RGSL1: variants seen among roughly 807,000 people sequenced by gnomAD.
The protein encoded by RGSL1 is regulator of G protein signaling like 1.
A neutral mutation model predicts 124.7 loss-of-function variants in RGSL1; 97 were observed. That is an observed-to-expected ratio of 0.78 (90% CI 0.66 to 0.92). The LOEUF (loss-of-function observed/expected upper bound fraction) is 0.92, where lower values mean the gene tolerates loss of function less well. Ranked by LOEUF, RGSL1 falls within the 40% of genes least tolerant of loss-of-function variation. RGSL1 has a pLI of 0.00. For synonymous variants in RGSL1, 424 were observed against 438.1 expected (o/e 0.97, Z 0.40); for missense variants, 1,233 against 1,288.4 (o/e 0.96, Z 0.66).
chr1:182,475,002 A>G (rs1654176296), intron 6 of RGSL1, among the ~76,000 whole-genome samples: 3 of 152,156 alleles, frequency 2.0e-5, no homozygotes, highest in Non-Finnish European at 4.4e-5. Flanking sequence ...CCTGTGCCAA[A>G]AAGGTTGGGG....
intron 4 of RGSL1, chr1:182,460,839 A>C (rs1652769465): frequency 2.4e-6 from 1 of 413,262 alleles, no homozygotes; most frequent in Admixed American, 2.7e-5. Flanking sequence ...AGTTGATCTC[A>C]TTCAATTTCA....
intron 14 of RGSL1, among the ~76,000 whole-genome samples, chr1:182,539,580 A>AC (rs34092396): frequency 0.52 from 78,666 of 151,938 alleles, 20,629 homozygotes; most frequent in Non-Finnish European, 0.55. Context: ...TTTTTCTGAA[A>AC]CCAGCCAGAT....
At chr1:182,553,135 C>A (rs530562464) in intron 18 of RGSL1, among the ~76,000 whole-genome samples, 2 of 152,126 alleles carry the variant, frequency 1.3e-5, no homozygotes. Flanking sequence ...AACTCCTGAC[C>A]TCAGGTGATC....
intron 6 of RGSL1, among the ~76,000 whole-genome samples, chr1:182,486,624 A>C (rs1431080777): frequency 6.6e-6 from 1 of 152,124 alleles, no homozygotes; most frequent in Non-Finnish European, 1.5e-5. Flanking sequence ...CTAGGATTAC[A>C]GGTGTGAGGC....
intron 16 of RGSL1, 29 bp from the exon 17 acceptor site, chr1:182,548,671 C>T (rs890551712): frequency 2.6e-6 from 4 of 1,549,980 alleles, no homozygotes; most frequent in African/African-American, 2.7e-5. Context: ...GGAGCCTCTG[C>T]CAGTGACAGG....
rs200084077 is a variant in RGSL1 at position 182,534,919 on chromosome 1, CA to C, written c.2494+2129del. ...CCCAGAATGGTAGGAAGTCCTGTTT[CA>C]TCATTCTTTGACTTTCCACTTCCCC... On this transcript the variant is annotated intron_variant, in intron 14 of 21. Coordinates refer to ENST00000294854, the MANE Select transcript of RGSL1 (RefSeq NM_001137669.2). 7.2e-3 allele frequency among the ~76,000 whole-genome samples: 1,101 copies of C among 152,220 alleles called. 14 individuals are homozygous for C. The highest frequency in any genetic ancestry group is 0.027 in the Middle Eastern group (8 of 294).
Position 182,489,016 on chromosome 1 carries a change from A to G in RGSL1, c.1531A>G (p.Arg511Gly). The change falls in exon 8 of 22, where the codon AGA becomes GGA. Residue 511 changes from arginine (R) to glycine (G), a missense_variant. Arg to Gly is a moderately radical substitution (Grantham distance 125). Coordinates refer to ENST00000294854, the MANE Select transcript of RGSL1 (RefSeq NM_001137669.2). The stretch of plus-strand genomic sequence containing the variant: ...GTTCATCAGCTCCAGACAGCATAAA[A>G]GAGAATTTATAGGCAAAGAAGAGAA... ...NRFISSRQHK[R>G]EFIGKEENIL... 1 of 1,551,468 alleles carries G rather than the reference A, an allele frequency of 6.4e-7. No homozygotes were observed. Among genetic ancestry groups the G allele is most frequent in the Non-Finnish European group, 8.7e-7 (1 of 1,147,000 alleles).
intron 8 of RGSL1, among the ~76,000 whole-genome samples, chr1:182,492,215 T>C (rs569843773): frequency 2.6e-5 from 4 of 152,338 alleles, no homozygotes; most frequent in Admixed American, 6.5e-5. Context: ...GAAATGCATT[T>C]GTAGTTGTGG....
chr1:182,553,363 G>A (rs1660679665), intron 18 of RGSL1, 92 bp from the exon 19 acceptor site: 5 of 915,190 alleles, frequency 5.5e-6, no homozygotes, highest in Middle Eastern at 2.2e-4. Context: ...ATCTAAGTGT[G>A]TTAAACAAGA....
Position 182,457,811 on chromosome 1 carries a change from C to G in RGSL1, c.97-508C>G, listed in dbSNP as rs1419822980. ...TTCCATGACAAAAGGGGATGGTATC[C>G]TAGAATTACATTATCAATTTTGGAC... On this transcript the variant is annotated intron_variant, in intron 2 of 21. Coordinates refer to ENST00000294854, the MANE Select transcript of RGSL1 (RefSeq NM_001137669.2). Among the ~76,000 whole-genome samples the G allele has an allele frequency of 2.0e-5, 3 of 152,250 alleles. No individual in the cohort carries two copies. In the East Asian group the frequency reaches 5.8e-4, roughly 29 times the overall value.
intron 15 of RGSL1, among the ~76,000 whole-genome samples, chr1:182,543,978 AT>A (rs1228393177): frequency 6.6e-6 from 1 of 151,804 alleles, no homozygotes; most frequent in Admixed American, 6.6e-5. Context: ...AATCTTCTGT[AT>A]TTTTAGTCTT....
At chr1:182,555,357 A>G (rs1176928871) in intron 20 of RGSL1, 1 of 154,944 alleles carries the variant, frequency 6.5e-6, no homozygotes, top group East Asian at 1.9e-4. Flanking sequence ...GTGTATATGT[A>G]TCCTACATTC....
chr1:182,504,772 G>A (rs1311866365), intron 9 of RGSL1, among the ~76,000 whole-genome samples: 1 of 152,066 alleles, frequency 6.6e-6, no homozygotes, highest in Admixed American at 6.6e-5. Context: ...AGCCAAAAAA[G>A]AAAACAAAAG....
chr1:182,483,552 A>G (rs1260051370), intron 6 of RGSL1, among the ~76,000 whole-genome samples: 1 of 152,232 alleles, frequency 6.6e-6, no homozygotes, highest in Non-Finnish European at 1.5e-5. Context: ...TGACATACAC[A>G]TAAAATATAC....
At chr1:182,472,727 C>G (rs1195616236) in intron 5 of RGSL1, 170 bp downstream of exon 5, 1 of 619,558 alleles carries the variant, frequency 1.6e-6, no homozygotes, top group Non-Finnish European at 2.6e-6. Context: ...TTGAAAGACA[C>G]AGTTGTCCTT....
chr1:182,535,295 C>A (rs895936311), intron 14 of RGSL1, among the ~76,000 whole-genome samples: 2 of 152,192 alleles, frequency 1.3e-5, no homozygotes, highest in African/African-American at 4.8e-5. Context: ...TCTATAGTTT[C>A]CTGCCTCAAA....
At chr1:182,484,254 A>G (rs575451318) in intron 6 of RGSL1, among the ~76,000 whole-genome samples, 4 of 152,150 alleles carry the variant, frequency 2.6e-5, no homozygotes, top group East Asian at 1.9e-4. Flanking sequence ...GTACTATGTC[A>G]TCTTAGTCCT....
At chr1:182,545,211 A>G (rs1355120120) in intron 15 of RGSL1, among the ~76,000 whole-genome samples, 1 of 152,172 alleles carries the variant, frequency 6.6e-6, no homozygotes, top group East Asian at 1.9e-4. Flanking sequence ...TGTGGATATA[A>G]CAAATTATTT....
Position 182,527,563 on chromosome 1 carries a change from C to T in RGSL1, c.1932-16C>T. 6.5e-7 allele frequency: 1 copy of T among 1,534,144 alleles called. No homozygotes were observed. The highest frequency in any genetic ancestry group is 1.7e-4 in the Middle Eastern group (1 of 5,868). On this transcript the variant is annotated splice_polypyrimidine_tract_variant and intron_variant, in intron 10 of 21. Transcript: ENST00000294854. ...CATTCCTTTCTCTCTACCAAAGATGCTTTCTTGTTTTCCAGAAACTTGACA... is the reference window on the plus strand; with the variant it reads ...CATTCCTTTCTCTCTACCAAAGATGTTTTCTTGTTTTCCAGAAACTTGACA...
Sources: allele counts gnomAD v4.1 joint callset (sites outside exome capture counted in the v4.1 genomes callset), GRCh38; gene constraint gnomAD v4.1.1; transcripts MANE v1.5; gene names NCBI Gene and HGNC (gene_info 2026-07-23, HGNC 2026-07-21).